Variants in SEMA3E observed in about 807,000 individuals in gnomAD.
SEMA3E encodes the protein semaphorin-3E.
Under a neutral mutation model 93.6 loss-of-function variants are expected in SEMA3E, and 49 were observed. That is an observed-to-expected ratio of 0.52 (90% CI 0.42 to 0.66). SEMA3E has a LOEUF of 0.66. Ranked by LOEUF, SEMA3E falls within the 30% of genes least tolerant of loss-of-function variation. The pLI is 0.00. For missense variants in SEMA3E, 906 were observed against 964.8 expected, an observed-to-expected ratio of 0.94 and a Z score of 0.81; for synonymous variants, 363 against 330.7, an observed-to-expected ratio of 1.10 and a Z score of -1.06.
intron 1 of SEMA3E, among the ~76,000 whole-genome samples, chr7:83,579,639 TACCA>T (rs1219777325): frequency 6.6e-6 from 1 of 152,116 alleles, no homozygotes; most frequent in Admixed American, 6.6e-5. Context: ...AAATGGCTTG[TACCA>T]GGTCCCAGTT....
At chr7:83,585,233 A>T (rs1334685251) in intron 1 of SEMA3E, among the ~76,000 whole-genome samples, 1 of 152,106 alleles carries the variant, frequency 6.6e-6, no homozygotes, top group Non-Finnish European at 1.5e-5. Context: ...CTAAACAAAG[A>T]TTCCTTCACT....
At chr7:83,535,652 A>G (rs1791398524) in intron 1 of SEMA3E, among the ~76,000 whole-genome samples, 2 of 152,146 alleles carry the variant, frequency 1.3e-5, no homozygotes, top group African/African-American at 4.8e-5. Flanking sequence ...CCTTTTTATA[A>G]TCTAAGAAGT....
chr7:83,527,588 C>T (rs924778282), intron 1 of SEMA3E, among the ~76,000 whole-genome samples: 1 of 152,094 alleles, frequency 6.6e-6, no homozygotes, highest in Non-Finnish European at 1.5e-5. Context: ...TATATATATT[C>T]AAAGATATTT....
intron 1 of SEMA3E, among the ~76,000 whole-genome samples, chr7:83,567,300 A>G (rs1792181405): frequency 6.6e-6 from 1 of 152,182 alleles, no homozygotes; most frequent in Non-Finnish European, 1.5e-5. Context: ...ACTCTAATAC[A>G]ATAAACTTTG....
chr7:83,435,997 A>G (rs1466207014), intron 4 of SEMA3E, among the ~76,000 whole-genome samples: 1 of 152,166 alleles, frequency 6.6e-6, no homozygotes, highest in Non-Finnish European at 1.5e-5. Context: ...TGTATAGATT[A>G]CATTGATGTT....
chr7:83,485,741 T>C (rs1790237218), intron 2 of SEMA3E, among the ~76,000 whole-genome samples: 1 of 152,138 alleles, frequency 6.6e-6, no homozygotes, highest in South Asian at 2.1e-4. Flanking sequence ...TAGTAATTGC[T>C]CCTGGGCAGC....
chr7:83,367,655 G>T lies in SEMA3E; in HGVS notation c.2259C>A (p.Asn753Lys). The change falls in exon 17 of 17, where the codon AAC becomes AAA. Residue 753 changes from asparagine (N) to lysine (K), a missense_variant. By Grantham distance (94) the Asn-to-Lys change is moderately conservative (BLOSUM62 0). Transcript: ENST00000643230. ...TGGAACGGAGCTTCTTTTCCTGAGG[G>T]TTGGCATACTTCCACTTGGAGGGTG... ...KMSPSKWKYA[N>K]PQEKKLRSKP... The T allele has an allele frequency of 6.2e-7, 1 of 1,614,142 alleles. No homozygotes were observed.
At chr7:83,645,273 G>A (rs1794064803) in intron 1 of SEMA3E, among the ~76,000 whole-genome samples, 1 of 151,748 alleles carries the variant, frequency 6.6e-6, no homozygotes, top group South Asian at 2.1e-4. Flanking sequence ...AAACCCTTGG[G>A]GAAGAATATT....
chr7:83,561,531 C>T (rs1792029757), intron 1 of SEMA3E, among the ~76,000 whole-genome samples: 2 of 152,082 alleles, frequency 1.3e-5, no homozygotes, highest in South Asian at 4.1e-4. Context: ...TAACACCCTG[C>T]CCTCAAGGAA....
At chr7:83,406,779 A>G (rs1179178173) in intron 7 of SEMA3E, among the ~76,000 whole-genome samples, 2 of 152,092 alleles carry the variant, frequency 1.3e-5, no homozygotes, top group Non-Finnish European at 2.9e-5. Context: ...TGTGTACTAA[A>G]GGAATAAAAA....
chr7:83,432,903 A>C (rs754909524), intron 4 of SEMA3E, among the ~76,000 whole-genome samples: 6 of 152,178 alleles, frequency 3.9e-5, no homozygotes, highest in Non-Finnish European at 8.8e-5. Context: ...TGAATGCATA[A>C]ATCTTATTGT....
intron 1 of SEMA3E, among the ~76,000 whole-genome samples, chr7:83,559,478 A>G (rs1280397258): frequency 6.6e-6 from 1 of 152,110 alleles, no homozygotes; most frequent in Non-Finnish European, 1.5e-5. Flanking sequence ...AAGATGCTCA[A>G]TATCATCTGT....
chr7:83,415,552 A>G (rs2713152), intron 5 of SEMA3E, among the ~76,000 whole-genome samples: 81,241 of 151,966 alleles, frequency 0.53, 23,525 homozygotes, highest in East Asian at 0.85. Context: ...ATTATAAATG[A>G]AATAAAAATG....
intron 4 of SEMA3E, among the ~76,000 whole-genome samples, chr7:83,450,646 T>G (rs2115817989): frequency 6.6e-6 from 1 of 152,252 alleles, no homozygotes; most frequent in South Asian, 2.1e-4. Flanking sequence ...GTGTTCTATT[T>G]ATTGATCTAG....
rs551635552 is a variant in SEMA3E at position 83,588,808 on chromosome 7, A to G, written c.115+59620T>C. Reference sequence around the variant, plus strand: ...AGCAAGAAAACACAAAAGCTTACCCAGAGCGCAACTGTATAATCTGAAAAC... The same window carrying G: ...AGCAAGAAAACACAAAAGCTTACCCGGAGCGCAACTGTATAATCTGAAAAC... On this transcript the variant is annotated intron_variant, in intron 1 of 16. Transcript: ENST00000643230. 2.0e-5 allele frequency among the ~76,000 whole-genome samples: 3 copies of G among 152,306 alleles called. No homozygotes were observed. In the East Asian group the frequency reaches 5.8e-4, roughly 29 times the overall value.
At chr7:83,645,377 C>A (rs905008114) in intron 1 of SEMA3E, among the ~76,000 whole-genome samples, 1 of 151,944 alleles carries the variant, frequency 6.6e-6, no homozygotes, top group Non-Finnish European at 1.5e-5. Context: ...AAATATTTGC[C>A]TGATACAGCC....
Position 83,605,846 on chromosome 7 carries a change from G to T in SEMA3E, c.115+42582C>A, listed in dbSNP as rs542035297. ...AGTTCCTTGTAGATTCTGGATATTA[G>T]ACCTTTCTCAGGTGGCTAGATTGCA... On this transcript the variant is annotated intron_variant, in intron 1 of 16. Transcript: ENST00000643230. 7.2e-5 allele frequency among the ~76,000 whole-genome samples: 11 copies of T among 152,216 alleles called. No homozygotes were observed. In the South Asian group the frequency reaches 2.1e-3, roughly 29 times the overall value.
intron 4 of SEMA3E, among the ~76,000 whole-genome samples, chr7:83,460,142 G>A (rs1368490502): frequency 1.3e-5 from 2 of 152,100 alleles, no homozygotes; most frequent in African/African-American, 2.4e-5. Context: ...GATTCAGATC[G>A]GGGGACCTCC....
chr7:83,460,628 C>A (rs1789593104), intron 4 of SEMA3E, among the ~76,000 whole-genome samples: 1 of 148,974 alleles, frequency 6.7e-6, no homozygotes, highest in Non-Finnish European at 1.5e-5. Context: ...CCCTTCTCTG[C>A]TTTTCTGGGG....
Sources: allele counts gnomAD v4.1 joint callset (sites outside exome capture counted in the v4.1 genomes callset), GRCh38; gene constraint gnomAD v4.1.1; transcripts MANE v1.5; gene names NCBI Gene and HGNC (gene_info 2026-07-23, HGNC 2026-07-21).